NDUFAF2: variants seen among roughly 807,000 people sequenced by gnomAD.
The protein encoded by NDUFAF2 is NADH:ubiquinone oxidoreductase complex assembly factor 2.
A neutral mutation model predicts 22.8 loss-of-function variants in NDUFAF2; 13 were observed. That is an observed-to-expected ratio of 0.57 (90% CI 0.37 to 0.91). The LOEUF is 0.91. Ranked by LOEUF, NDUFAF2 falls within the 40% of genes least tolerant of loss-of-function variation. NDUFAF2 has a pLI of 0.01. For synonymous variants in NDUFAF2, 53 were observed against 64.2 expected (o/e 0.83, Z 0.84); for missense variants, 162 against 195.2 (o/e 0.83, Z 1.01).
intron 1 of NDUFAF2, among the ~76,000 whole-genome samples, chr5:61,011,526 A>G (rs1283261274): frequency 1.3e-5 from 2 of 152,066 alleles, no homozygotes; most frequent in Admixed American, 6.6e-5. Context: ...GCAAATTGTA[A>G]TATCTGTTGC....
At chr5:61,066,500 C>A (rs1489410803) in intron 1 of NDUFAF2, among the ~76,000 whole-genome samples, 1 of 151,936 alleles carries the variant, frequency 6.6e-6, no homozygotes, top group Non-Finnish European at 1.5e-5. Flanking sequence ...CTATAGTAAT[C>A]AAAACAGTAC....
intron 2 of NDUFAF2, among the ~76,000 whole-genome samples, chr5:61,084,082 G>A (rs1752477002): frequency 6.6e-6 from 1 of 151,624 alleles, no homozygotes; most frequent in East Asian, 1.9e-4. Flanking sequence ...TCACTGTTAG[G>A]TATGATATTA....
At chr5:61,105,197 T>C (rs1288891687) in intron 3 of NDUFAF2, among the ~76,000 whole-genome samples, 1 of 151,546 alleles carries the variant, frequency 6.6e-6, no homozygotes, top group Non-Finnish European at 1.5e-5. Flanking sequence ...CTCTGGCTTA[T>C]GATGTGTTGA....
chr5:61,003,120 A>G (rs1477684585), intron 1 of NDUFAF2, among the ~76,000 whole-genome samples: 1 of 152,138 alleles, frequency 6.6e-6, no homozygotes, highest in Admixed American at 6.6e-5. Flanking sequence ...TATTAACAGA[A>G]CAATGCAAAC....
intron 1 of NDUFAF2, among the ~76,000 whole-genome samples, chr5:61,064,388 C>A (rs899018993): frequency 2.1e-4 from 32 of 152,034 alleles, no homozygotes; most frequent in Non-Finnish European, 7.4e-5. Flanking sequence ...GCACTTTTGA[C>A]CACTTGGAAC....
chr5:61,120,664 T>A (rs1350285807), intron 3 of NDUFAF2, among the ~76,000 whole-genome samples: 1 of 152,116 alleles, frequency 6.6e-6, no homozygotes, highest in Admixed American at 6.6e-5. Flanking sequence ...TCACGTTCTT[T>A]TAAGAGTCAT....
At chr5:61,059,977 A>T (rs1752143979) in intron 1 of NDUFAF2, among the ~76,000 whole-genome samples, 1 of 152,172 alleles carries the variant, frequency 6.6e-6, no homozygotes, top group Non-Finnish European at 1.5e-5. Flanking sequence ...TGCAAGCTTT[A>T]TAAATGCTAA....
chr5:61,083,210 T>A (rs1174618627), intron 2 of NDUFAF2: 1 of 121,404 alleles, frequency 8.2e-6, no homozygotes, highest in Non-Finnish European at 1.8e-5. Flanking sequence ...CCACTTTTAA[T>A]GTTGTTTTTT....
intron 1 of NDUFAF2, among the ~76,000 whole-genome samples, chr5:60,982,746 T>C (rs1481431190): frequency 7.2e-5 from 11 of 152,108 alleles, no homozygotes; most frequent in Admixed American, 6.5e-5. Flanking sequence ...TTTTTATGGC[T>C]GCATAGTATT....
chr5:61,076,630 A>G (rs1459377645), intron 2 of NDUFAF2, among the ~76,000 whole-genome samples: 1 of 152,202 alleles, frequency 6.6e-6, no homozygotes, highest in Non-Finnish European at 1.5e-5. Flanking sequence ...CTTGTAGGCC[A>G]TTTTAAAGAC....
At chr5:61,132,339 C>G (rs190901725) in intron 3 of NDUFAF2, among the ~76,000 whole-genome samples, 1 of 152,232 alleles carries the variant, frequency 6.6e-6, no homozygotes, top group African/African-American at 2.4e-5. Flanking sequence ...TGGTGGGTTC[C>G]TTCTTTACCC....
intron 2 of NDUFAF2, among the ~76,000 whole-genome samples, chr5:61,076,364 G>A (rs1752370829): frequency 2.0e-5 from 3 of 152,228 alleles, no homozygotes; most frequent in South Asian, 4.1e-4. Context: ...GTGAGCCACC[G>A]CGCCCGGCCG....
At chr5:61,120,893 TTA>T (rs1190001647) in intron 3 of NDUFAF2, among the ~76,000 whole-genome samples, 1 of 152,100 alleles carries the variant, frequency 6.6e-6, no homozygotes, top group Non-Finnish European at 1.5e-5. Context: ...CCAAAACAAT[TTA>T]TGTTTTTCCT....
At chr5:61,131,104 T>C (rs1440078526) in intron 3 of NDUFAF2, among the ~76,000 whole-genome samples, 1 of 152,038 alleles carries the variant, frequency 6.6e-6, no homozygotes. Context: ...AAATACAGAA[T>C]AAAGACTTCT....
chr5:60,982,080 T>C (rs371938383), intron 1 of NDUFAF2, among the ~76,000 whole-genome samples: 158 of 152,038 alleles, frequency 1.0e-3, no homozygotes, highest in African/African-American at 3.7e-3. Context: ...AAAGCAAAAA[T>C]GGACAAATAG....
At chr5:61,013,295 C>T (rs1394379803) in intron 1 of NDUFAF2, among the ~76,000 whole-genome samples, 2 of 150,238 alleles carry the variant, frequency 1.3e-5, no homozygotes, top group Non-Finnish European at 2.9e-5. Flanking sequence ...ATTTTTTTTT[C>T]AACACTTAAT....
chr5:61,128,623 C>T (rs1219787740), intron 3 of NDUFAF2, among the ~76,000 whole-genome samples: 1 of 152,136 alleles, frequency 6.6e-6, no homozygotes, highest in Non-Finnish European at 1.5e-5. Context: ...TGGATTCCTT[C>T]CTTACACCTT....
chr5:60,997,905 G>T (rs1444408449), intron 1 of NDUFAF2, among the ~76,000 whole-genome samples: 1 of 152,106 alleles, frequency 6.6e-6, no homozygotes, highest in Non-Finnish European at 1.5e-5. Context: ...CTAGATTTTG[G>T]TTCATTGGCC....
chr5:61,035,093 G>C (rs1460000573), intron 1 of NDUFAF2, among the ~76,000 whole-genome samples: 1 of 149,828 alleles, frequency 6.7e-6, no homozygotes, highest in East Asian at 1.9e-4. Flanking sequence ...TTGAGACAGA[G>C]TCTCACTCTG....
Sources: allele counts gnomAD v4.1 joint callset (sites outside exome capture counted in the v4.1 genomes callset), GRCh38; gene constraint gnomAD v4.1.1; transcripts MANE v1.5; gene names NCBI Gene and HGNC (gene_info 2026-07-23, HGNC 2026-07-21).